The following OR2T12 variants were observed in gnomAD, a reference collection of about 807,000 sequenced individuals.
The protein encoded by OR2T12 is olfactory receptor 2T12.
For synonymous variants in OR2T12, 127 were observed against 160.5 expected (o/e 0.79, Z 1.58); for missense variants, 335 against 404.3 (o/e 0.83, Z 1.47).
At position 248,296,166 on chromosome 1, in the gene OR2T12, T is replaced by C. The variant is rs551113372; in HGVS notation, c.-8-580A>G. Among the ~76,000 whole-genome samples, 43 of 152,314 alleles carry C rather than the reference T, an allele frequency of 2.8e-4. No homozygotes were observed. In the East Asian group the frequency reaches 6.0e-3, roughly 21 times the overall value. ...GATGATTTCCAATTTCATCCATGTC[T>C]CTACAAAGGACATGAACTCATCCTT... On this transcript the variant is annotated intron_variant, in intron 2 of 2. Coordinates refer to ENST00000641276, the MANE Select transcript of OR2T12 (RefSeq NM_001004692.2).
intron 2 of OR2T12, 128 bp from the exon 3 acceptor site, chr1:248,295,714 G>T: frequency 7.9e-7 from 1 of 1,267,406 alleles, no homozygotes; most frequent in Non-Finnish European, 1.1e-6. Flanking sequence ...TCAAAGCCCT[G>T]ACTCCCAGTA....
chr1:248,297,972 A>T (rs1659758349), intron 2 of OR2T12, among the ~76,000 whole-genome samples: 1 of 151,070 alleles, frequency 6.6e-6, no homozygotes, highest in African/African-American at 2.4e-5. Flanking sequence ...ATTCAGTATG[A>T]TATTGGCTGT....
intron 2 of OR2T12, among the ~76,000 whole-genome samples, chr1:248,297,722 G>C (rs1659753035): frequency 6.7e-6 from 1 of 149,886 alleles, no homozygotes; most frequent in Admixed American, 6.6e-5. Flanking sequence ...CTTTGCTGAA[G>C]TTGCTTATCA....
chr1:248,294,775 G>C lies in OR2T12; in HGVS notation c.804C>G (p.His268Gln). 3 of 1,613,952 alleles carry C rather than the reference G, an allele frequency of 1.9e-6. No homozygotes were observed. Among genetic ancestry groups the C allele is most frequent in the South Asian group, 2.2e-5 (2 of 91,072 alleles). ...TATAGAAGGCTGACACAACCTTATC[G>C]TGGTTAGTGGACCTGTGGGATTTGG... The part of the protein sequence containing the change: ...MRPKSHRSTN[H>Q]DKVVSAFYTM... Residue 268 changes from histidine (H) to glutamine (Q), a missense_variant, in exon 3 of 3, where the codon CAC (histidine) becomes CAG (glutamine). Transcript: ENST00000641276.
At chr1:248,297,777 A>G (rs1659754192) in intron 2 of OR2T12, among the ~76,000 whole-genome samples, 1 of 148,450 alleles carries the variant, frequency 6.7e-6, no homozygotes, top group Non-Finnish European at 1.5e-5. Context: ...TTCTAGATAT[A>G]CAATCATGTC....
At chr1:248,299,474 A>G (rs1187331803) in intron 2 of OR2T12, among the ~76,000 whole-genome samples, 1 of 152,274 alleles carries the variant, frequency 6.6e-6, no homozygotes, top group South Asian at 2.1e-4. Context: ...TGAATTCAAC[A>G]AGAAGAGCTA....
intron 2 of OR2T12, among the ~76,000 whole-genome samples, chr1:248,298,528 C>G (rs1244009898): frequency 1.3e-5 from 2 of 151,448 alleles, no homozygotes; most frequent in Non-Finnish European, 3.0e-5. Context: ...ACAATTTCAG[C>G]TCCTGTTATT....
Position 248,295,594 on chromosome 1 carries a change from G to T in OR2T12, c.-8-8C>A. The T allele has an allele frequency of 1.3e-6, 2 of 1,554,600 alleles. No individual in the cohort carries two copies. Among genetic ancestry groups the T allele is most frequent in the South Asian group, 2.5e-5 (2 of 79,338 alleles). Reference sequence around the variant, plus strand: ...TCATCTCCATAATTTCCCCTGGTGTGATGGTGCAAATGGAAAAATAGAGAA... The same window carrying T: ...TCATCTCCATAATTTCCCCTGGTGTTATGGTGCAAATGGAAAAATAGAGAA... On this transcript the variant is annotated splice_polypyrimidine_tract_variant and splice_region_variant and intron_variant, in intron 2 of 2. Transcript: ENST00000641276.
chr1:248,296,839 C>T (rs989442025), intron 2 of OR2T12, among the ~76,000 whole-genome samples: 1 of 152,174 alleles, frequency 6.6e-6, no homozygotes, highest in African/African-American at 2.4e-5. Flanking sequence ...TTTTGCTGTG[C>T]AGAAGCTCTT....
intron 2 of OR2T12, among the ~76,000 whole-genome samples, chr1:248,298,032 C>G (rs1422807638): frequency 6.6e-6 from 1 of 151,784 alleles, no homozygotes; most frequent in Non-Finnish European, 1.5e-5. Flanking sequence ...CCCATCAATA[C>G]CTAATTTATT....
chr1:248,297,444 C>T (rs543722738), intron 2 of OR2T12, among the ~76,000 whole-genome samples: 1 of 151,570 alleles, frequency 6.6e-6, no homozygotes, highest in African/African-American at 2.4e-5. Context: ...TTACCTTGGG[C>T]AGTATGGCCA....
intron 2 of OR2T12, among the ~76,000 whole-genome samples, chr1:248,296,778 C>A (rs148686664): frequency 1.3e-5 from 2 of 152,062 alleles, no homozygotes; most frequent in Non-Finnish European, 2.9e-5. Flanking sequence ...GAGCAGGTTG[C>A]GAAAATTTTC....
Position 248,294,811 on chromosome 1 carries a change from G to C in OR2T12, c.768C>G (p.Thr256=). The C allele has an allele frequency of 6.2e-7, 1 of 1,613,646 alleles. No individual in the cohort carries two copies. Among genetic ancestry groups the C allele is most frequent in the South Asian group, 1.1e-5 (1 of 91,060 alleles). Residue 256 remains threonine (T), a synonymous_variant, in exon 3 of 3, where the codon ACC becomes ACG. Transcript: ENST00000641276. The part of the protein sequence containing the change: ...VGLFYGAGIF[T]YMRPKSHRST... ...ACCTGTGGGATTTGGGTCTCATATA[G>C]GTAAAAATGCCAGCTCCATAAAAGA...
In OR2T12 at chr1:248,295,030, C is replaced by G. The variant is rs554779497; in HGVS notation, c.549G>C (p.Val183=). The part of the protein sequence containing the change: ...DHFFCEAPVL[V]RLACADTSVF... ...CTGAAGTGTCAGCACAAGCCAAACG[C>G]ACCAACACGGGGGCCTCGCAGAAGA... The change falls in exon 3 of 3, where the codon GTG becomes GTC. Residue 183 remains valine, a synonymous_variant. Transcript: ENST00000641276. 190 of 1,609,700 alleles carry G rather than the reference C, an allele frequency of 1.2e-4. No individual in the cohort carries two copies. Among genetic ancestry groups the G allele is most frequent in the Non-Finnish European group, 1.6e-4 (186 of 1,179,526 alleles).
In OR2T12 at chr1:248,295,497, T is replaced by G. The variant is rs1368715044; in HGVS notation, c.82A>C (p.Met28Leu). 4.3e-6 allele frequency: 7 copies of G among 1,613,016 alleles called. No individual in the cohort carries two copies. In the African/African-American group the frequency reaches 9.4e-5, roughly 22 times the overall value. The change falls in exon 3 of 3, where the codon ATG (methionine) becomes CTG (leucine). Residue 28 changes from methionine to leucine, a missense_variant. By Grantham distance (15) the Met-to-Leu change is conservative (BLOSUM62 2). Coordinates refer to ENST00000641276, the MANE Select transcript of OR2T12 (RefSeq NM_001004692.2). ...GAGGTCAAAACGGTGGCCAGAAGCA[T>G]CATGAAGAGGACTTGGTGGGCTCTG... ...HTRAHQVLFM[M>L]LLATVLTSLF... is the part of the protein sequence containing the mutation.
rs751057157 is a variant in OR2T12 at position 248,295,499 on chromosome 1, A to G, written c.80T>C (p.Met27Thr). The change falls in exon 3 of 3, where the codon ATG becomes ACG. Residue 27 changes from methionine to threonine, a missense_variant. By Grantham distance (81) the Met-to-Thr change is moderately conservative (BLOSUM62 -1). Coordinates refer to ENST00000641276, the MANE Select transcript of OR2T12 (RefSeq NM_001004692.2). ...GGTCAAAACGGTGGCCAGAAGCATC[A>G]TGAAGAGGACTTGGTGGGCTCTGGT... ...NHTRAHQVLF[M>T]MLLATVLTSL... The G allele has an allele frequency of 2.5e-6, 4 of 1,613,280 alleles. No individual in the cohort carries two copies. The highest frequency in any genetic ancestry group is 3.3e-4 in the Middle Eastern group (2 of 6,072).
chr1:248,294,927 G>C lies in OR2T12; in HGVS notation c.652C>G (p.Leu218Val), dbSNP rs776559520. ...ATGAGCAGAACAGCAGCGAGGATGA[G>C]ACCATAGGAGGACAGGATGAGGGAA... is the stretch of plus-strand genomic sequence containing the variant. ...PFSLILSSYGLILAAVLLMRS... is the reference protein window; with the variant it reads ...PFSLILSSYGVILAAVLLMRS... The change falls in exon 3 of 3, where the codon CTC (leucine) becomes GTC (valine). Residue 218 changes from leucine (L) to valine (V), a missense_variant. By Grantham distance (32) the Leu-to-Val change is conservative. Transcript: ENST00000641276. 1 of 1,611,902 alleles carries C rather than the reference G, an allele frequency of 6.2e-7. No homozygotes were observed. Among genetic ancestry groups the C allele is most frequent in the South Asian group, 1.1e-5 (1 of 90,982 alleles).
rs1659631365 is a variant in OR2T12 at position 248,291,377 on chromosome 1, T to C, written c.*3239A>G. The C allele has an allele frequency of 6.6e-6, 1 of 151,990 alleles. No homozygotes were observed. Among genetic ancestry groups the C allele is most frequent in the African/African-American group, 2.4e-5 (1 of 41,342 alleles). The allele number at this position is 151,990 out of a possible 1,614,324, so 9.4% of individuals were successfully genotyped here. A position where few individuals can be genotyped will look rare whatever the true frequency, so the allele number is the denominator to read the frequency against. ...GAATAAAACACCTAGGAATACAACT[T>C]ATAAAGGATATGAAGGACCTCTTCA... On this transcript the variant is annotated 3_prime_UTR_variant, in exon 3 of 3. Transcript: ENST00000641276.
At chr1:248,297,120 C>A (rs1244288253) in intron 2 of OR2T12, among the ~76,000 whole-genome samples, 1 of 151,984 alleles carries the variant, frequency 6.6e-6, no homozygotes, top group Non-Finnish European at 1.5e-5. Context: ...AATCCTCTCC[C>A]CATTGCTTGT....
Sources: allele counts gnomAD v4.1 joint callset (sites outside exome capture counted in the v4.1 genomes callset), GRCh38; gene constraint gnomAD v4.1.1; transcripts MANE v1.5; gene names NCBI Gene and HGNC (gene_info 2026-07-23, HGNC 2026-07-21).